Variants in HEMK2 observed in about 807,000 individuals in gnomAD.
The protein encoded by HEMK2 is methyltransferase HEMK2.
chr21:28,619,610 T>C, the HEMK2 span, among the ~76,000 whole-genome samples: 1 of 152,212 alleles, frequency 6.6e-6, no homozygotes, highest in African/African-American at 2.4e-5. Context: ...ATCTTCATTT[T>C]ATTTCTGCTC....
At chr21:28,676,496 T>C in the HEMK2 span, among the ~76,000 whole-genome samples, 120 of 151,478 alleles carry the variant, frequency 7.9e-4, no homozygotes, top group Non-Finnish European at 1.5e-3. Flanking sequence ...ATCCCAAATA[T>C]CATCATCTTG....
the HEMK2 span, among the ~76,000 whole-genome samples, chr21:28,632,898 C>A: frequency 1.2e-4 from 19 of 152,278 alleles, no homozygotes; most frequent in African/African-American, 4.6e-4. Flanking sequence ...AAAAAGCAGA[C>A]GCAGTGTAGA....
chr21:28,866,175 A>AAAAAAAAAAAAAACAC, the HEMK2 span, among the ~76,000 whole-genome samples: 9 of 76,240 alleles, frequency 1.2e-4, 2 homozygotes, highest in African/African-American at 3.6e-4. Context: ...CAAAAAAAAA[A>AAAAAAAAAAAAAACAC]ACACACACAC....
chr21:28,762,933 A>G, the HEMK2 span, among the ~76,000 whole-genome samples: 1 of 152,144 alleles, frequency 6.6e-6, no homozygotes, highest in African/African-American at 2.4e-5. Context: ...TAAATTATCT[A>G]TGTAACTACA....
chr21:28,668,291 A>T, the HEMK2 span, among the ~76,000 whole-genome samples: 1 of 152,200 alleles, frequency 6.6e-6, no homozygotes, highest in African/African-American at 2.4e-5. Context: ...ATGCTGCATA[A>T]GAAGCAATAC....
At chr21:28,679,700 C>A in the HEMK2 span, among the ~76,000 whole-genome samples, 2 of 152,196 alleles carry the variant, frequency 1.3e-5, no homozygotes, top group African/African-American at 4.8e-5. Flanking sequence ...AACAAACTGT[C>A]TCTCAGACCA....
the HEMK2 span, among the ~76,000 whole-genome samples, chr21:28,803,795 T>C: frequency 3.3e-5 from 5 of 152,248 alleles, no homozygotes; most frequent in Admixed American, 3.3e-4. Context: ...CAAATGTGAA[T>C]CATCCATTTC....
chr21:28,709,265 A>C, the HEMK2 span, among the ~76,000 whole-genome samples: 1,133 of 152,314 alleles, frequency 7.4e-3, 17 homozygotes, highest in African/African-American at 0.026. Context: ...AAATCACAAA[A>C]GGTATATGTA....
At chr21:28,754,880 G>C in the HEMK2 span, among the ~76,000 whole-genome samples, 2 of 152,194 alleles carry the variant, frequency 1.3e-5, no homozygotes, top group Admixed American at 6.5e-5. Flanking sequence ...GCTGCTCTGG[G>C]CAAGGCAAAC....
chr21:28,877,829 ACTC>A, the HEMK2 span, among the ~76,000 whole-genome samples: 4 of 152,194 alleles, frequency 2.6e-5, no homozygotes, highest in African/African-American at 9.7e-5. Context: ...TCATGATAAA[ACTC>A]CTAACGAACT....
the HEMK2 span, among the ~76,000 whole-genome samples, chr21:28,639,244 A>G: frequency 1.3e-5 from 2 of 152,256 alleles, no homozygotes; most frequent in Non-Finnish European, 2.9e-5. Context: ...GACCAAAAGA[A>G]AGATAGAAAC....
the HEMK2 span, among the ~76,000 whole-genome samples, chr21:28,576,884 T>C: frequency 6.6e-6 from 1 of 152,270 alleles, no homozygotes; most frequent in African/African-American, 2.4e-5. Context: ...CTAATTTTCA[T>C]ATTTTTAGTA....
At chr21:28,589,080 T>C in the HEMK2 span, among the ~76,000 whole-genome samples, 2 of 151,760 alleles carry the variant, frequency 1.3e-5, no homozygotes, top group Admixed American at 1.3e-4. Context: ...ACATACTATA[T>C]AATTTCATTT....
the HEMK2 span, among the ~76,000 whole-genome samples, chr21:28,629,021 A>G: frequency 6.6e-6 from 1 of 152,310 alleles, no homozygotes; most frequent in African/African-American, 2.4e-5. Context: ...CCAACAGACC[A>G]AGTGAGTGAA....
At chr21:28,820,953 C>T in the HEMK2 span, among the ~76,000 whole-genome samples, 4 of 152,182 alleles carry the variant, frequency 2.6e-5, no homozygotes, top group Admixed American at 1.3e-4. Context: ...AAAGGTATCC[C>T]AGTTGTCTGA....
At chr21:28,788,209 C>CACATATATAT in the HEMK2 span, among the ~76,000 whole-genome samples, 4 of 144,306 alleles carry the variant, frequency 2.8e-5, no homozygotes, top group African/African-American at 1.0e-4. Flanking sequence ...CGTATATATA[C>CACATATATAT]GTATATATGT....
chr21:28,869,992 T>G, the HEMK2 span, among the ~76,000 whole-genome samples: 2 of 152,180 alleles, frequency 1.3e-5, no homozygotes, highest in African/African-American at 4.8e-5. Flanking sequence ...CCTCTAGCCT[T>G]TCTCCCAGTC....
At chr21:28,776,035 C>G in the HEMK2 span, among the ~76,000 whole-genome samples, 1 of 151,992 alleles carries the variant, frequency 6.6e-6, no homozygotes, top group African/African-American at 2.4e-5. Flanking sequence ...GAAAAGGATC[C>G]TGCAGAGGAG....
chr21:28,576,152 A>G, the HEMK2 span, among the ~76,000 whole-genome samples: 1 of 152,208 alleles, frequency 6.6e-6, no homozygotes, highest in Admixed American at 6.5e-5. Context: ...GTTTAATGTT[A>G]TAAGAAACTG....
Sources: allele counts gnomAD v4.1 joint callset (sites outside exome capture counted in the v4.1 genomes callset), GRCh38; gene constraint gnomAD v4.1.1; transcripts MANE v1.5; gene names NCBI Gene and HGNC (gene_info 2026-07-23, HGNC 2026-07-21).